Variants in GABRB2 observed in about 807,000 individuals in gnomAD.
GABRB2 encodes gamma-aminobutyric acid receptor subunit beta-2.
In GABRB2, 16 loss-of-function variants were observed where a neutral mutation model predicts 54.7. The ratio of observed to expected loss-of-function variants is 0.29; its 90% CI spans 0.20 to 0.44. The LOEUF (loss-of-function observed/expected upper bound fraction) is 0.44. Among genes scored for constraint, GABRB2 ranks in the 20% least tolerant of loss-of-function variants. The pLI, the probability that GABRB2 is intolerant of heterozygous loss-of-function variation, is 1.00. For synonymous variants in GABRB2, 244 were observed against 233.8 expected (o/e 1.04, Z -0.40); for missense variants, 355 against 644.0 (o/e 0.55, Z 4.86).
At chr5:161,431,958 A>T (rs1757181504) in intron 4 of GABRB2, among the ~76,000 whole-genome samples, 1 of 152,212 alleles carries the variant, frequency 6.6e-6, no homozygotes, top group East Asian at 1.9e-4. Context: ...GAACTAGGCC[A>T]TGTGCAACAA....
intron 5 of GABRB2, among the ~76,000 whole-genome samples, chr5:161,383,029 A>T (rs1755514998): frequency 6.6e-6 from 1 of 152,158 alleles, no homozygotes; most frequent in Non-Finnish European, 1.5e-5. Flanking sequence ...ACCTTTGTCT[A>T]CTCAATGTTT....
intron 9 of GABRB2, among the ~76,000 whole-genome samples, chr5:161,301,411 T>G: frequency 6.6e-6 from 1 of 152,202 alleles, no homozygotes; most frequent in South Asian, 2.1e-4. Flanking sequence ...ACCACTAAAC[T>G]TTCTTTCTTT....
At chr5:161,324,943 T>C (rs1206371264) in intron 9 of GABRB2, among the ~76,000 whole-genome samples, 2 of 152,072 alleles carry the variant, frequency 1.3e-5, no homozygotes, top group South Asian at 2.1e-4. Flanking sequence ...ATTAACGCTT[T>C]CAAGCCATCA....
chr5:161,516,256 G>A (rs57227853), intron 3 of GABRB2, among the ~76,000 whole-genome samples: 1 of 151,958 alleles, frequency 6.6e-6, no homozygotes. Flanking sequence ...AATATCAATT[G>A]GTTGTGTAGT....
intron 3 of GABRB2, among the ~76,000 whole-genome samples, chr5:161,468,136 T>C (rs1210676592): frequency 2.0e-5 from 3 of 152,186 alleles, no homozygotes; most frequent in African/African-American, 7.2e-5. Flanking sequence ...ATTGTTACTA[T>C]CTCCTTGAGG....
chr5:161,471,717 T>C (rs1758444904), intron 3 of GABRB2, among the ~76,000 whole-genome samples: 1 of 152,008 alleles, frequency 6.6e-6, no homozygotes, highest in Admixed American at 6.6e-5. Context: ...CTCTGACCCT[T>C]ATCTTAATAT....
At chr5:161,548,226 G>C (rs1761050400), upstream of GABRB2, 1 of 152,380 alleles carries the variant, frequency 6.6e-6, no homozygotes, top group Admixed American at 6.5e-5. Flanking sequence ...CAAGCTTGGG[G>C]TGGGGAAATT....
intron 5 of GABRB2, among the ~76,000 whole-genome samples, chr5:161,378,011 T>C (rs1350310923): frequency 6.6e-6 from 1 of 152,116 alleles, no homozygotes; most frequent in African/African-American, 2.4e-5. Flanking sequence ...TTAACCAACA[T>C]GCATAATGCT....
intron 4 of GABRB2, among the ~76,000 whole-genome samples, chr5:161,411,666 T>A (rs1050926834): frequency 1.3e-5 from 2 of 152,136 alleles, no homozygotes; most frequent in African/African-American, 4.8e-5. Flanking sequence ...TGGGATGGCA[T>A]AGTTATATAT....
chr5:161,431,967 A>T (rs2113178432), intron 4 of GABRB2, among the ~76,000 whole-genome samples: 1 of 152,360 alleles, frequency 6.6e-6, no homozygotes, highest in African/African-American at 2.4e-5. Context: ...CATGTGCAAC[A>T]AGTTATATAG....
intron 3 of GABRB2, among the ~76,000 whole-genome samples, chr5:161,525,976 A>T (rs966283761): frequency 6.6e-6 from 1 of 151,372 alleles, no homozygotes; most frequent in African/African-American, 2.4e-5. Context: ...AGGCTGGCCT[A>T]GTTGATATAA....
At chr5:161,505,281 C>A (rs948781590) in intron 3 of GABRB2, among the ~76,000 whole-genome samples, 1 of 151,950 alleles carries the variant, frequency 6.6e-6, no homozygotes, top group Admixed American at 6.6e-5. Flanking sequence ...CAGGCAGGTG[C>A]CACCACGCCC....
At chr5:161,334,651 C>T (rs751803857) in intron 7 of GABRB2, 101 bp downstream of exon 7, 15 of 1,190,590 alleles carry the variant, frequency 1.3e-5, no homozygotes, top group Non-Finnish European at 1.6e-5. Flanking sequence ...GGTTCAGTTG[C>T]GTCATGCACC....
At chr5:161,319,045 CGTT>C (rs1561605859) in intron 9 of GABRB2, among the ~76,000 whole-genome samples, 2 of 151,152 alleles carry the variant, frequency 1.3e-5, no homozygotes, top group African/African-American at 4.8e-5. Context: ...AATAAATTGT[CGTT>C]GTTCCTGTTT....
chr5:161,310,315 G>T (rs1013083858), intron 9 of GABRB2, among the ~76,000 whole-genome samples: 1 of 152,122 alleles, frequency 6.6e-6, no homozygotes, highest in Non-Finnish European at 1.5e-5. Context: ...ACTTAAAATA[G>T]AAGTTAAAAA....
intron 8 of GABRB2, among the ~76,000 whole-genome samples, chr5:161,327,851 GA>G (rs36090634): frequency 0.2 from 30,032 of 147,170 alleles, 3,474 homozygotes; most frequent in African/African-American, 0.32. Flanking sequence ...CTTGATCTTG[GA>G]AAAAAAAAAA....
At chr5:161,479,005 A>G (rs1287949338) in intron 3 of GABRB2, among the ~76,000 whole-genome samples, 2 of 152,074 alleles carry the variant, frequency 1.3e-5, no homozygotes, top group Admixed American at 1.3e-4. Context: ...CCCTGCTTTC[A>G]TGCTTTTGAC....
chr5:161,335,602 G>A (rs1276731187), intron 6 of GABRB2, among the ~76,000 whole-genome samples: 1 of 152,128 alleles, frequency 6.6e-6, no homozygotes, highest in Admixed American at 6.5e-5. Flanking sequence ...TTAGACTATA[G>A]GAAGTTCACA....
intron 5 of GABRB2, among the ~76,000 whole-genome samples, chr5:161,392,298 T>C (rs1165714480): frequency 1.3e-5 from 2 of 152,332 alleles, no homozygotes; most frequent in Non-Finnish European, 2.9e-5. Flanking sequence ...ATAGTATTTA[T>C]GATTATCCTT....
Sources: allele counts gnomAD v4.1 joint callset (sites outside exome capture counted in the v4.1 genomes callset), GRCh38; gene constraint gnomAD v4.1.1; transcripts MANE v1.5; gene names NCBI Gene and HGNC (gene_info 2026-07-23, HGNC 2026-07-21).